CAPN2: variants seen among roughly 807,000 people sequenced by gnomAD.
CAPN2 encodes calpain-2 catalytic subunit.
In CAPN2, 92 loss-of-function variants were observed where a neutral mutation model predicts 102.3. That is an observed-to-expected ratio of 0.90 (90% CI 0.76 to 1.07). CAPN2 has a LOEUF of 1.07. Among genes scored for constraint, CAPN2 ranks in the 50% least tolerant of loss-of-function variants. CAPN2 has a pLI of 0.00. For missense variants in CAPN2, 800 were observed against 909.4 expected (o/e 0.88, Z 1.55); for synonymous variants, 340 against 355.4 (o/e 0.96, Z 0.49).
rs768469189 is a variant in CAPN2, at chr1:223,759,648, CTAGTGTTATAG to C, written c.1529+170_1529+180del. On this transcript the variant is annotated intron_variant, in intron 12 of 20. Transcript: ENST00000295006. This position sits in a 1 kb window ranked among gnomAD's most constrained non-coding sequence, Gnocchi z 4.6. ...GGGGATTTGATGGATTGAGGAAGTTCTAGTGTTATAGTAAGGTAAACAATGGAAAAAGCCAC... is the reference window on the plus strand; with the variant it reads ...GGGGATTTGATGGATTGAGGAAGTTCTAAGGTAAACAATGGAAAAAGCCAC... 2.6e-5 allele frequency among the ~76,000 whole-genome samples: 4 copies of C among 152,108 alleles called. No individual in the cohort carries two copies. The highest frequency in any genetic ancestry group is 4.4e-5 in the Non-Finnish European group (3 of 68,012).
intron 11 of CAPN2, chr1:223,757,880 G>T (rs12563695): frequency 0.13 from 19,442 of 150,588 alleles, 1,493 homozygotes; most frequent in African/African-American, 0.22. Context: ...TTGTTTGTTT[G>T]TTTTTTGTCT....
chr1:223,753,068 T>G, intron 9 of CAPN2, 112 bp downstream of exon 9: 2 of 925,442 alleles, frequency 2.2e-6, no homozygotes, highest in East Asian at 4.8e-5. Flanking sequence ...AGGAGGCAGC[T>G]CCTGCTCACT....
In CAPN2 at chr1:223,733,673, G is replaced by A. The variant is rs927871353; in HGVS notation, c.308-10427G>A. On this transcript the variant is annotated intron_variant, in intron 2 of 20. Transcript: ENST00000295006. ...CCAGGTCACGTGAGTCTTGGAAGGG[G>A]AAGGCTGCTGTGCTTAACGATTCAA... 3.3e-5 allele frequency among the ~76,000 whole-genome samples: 5 copies of A among 152,178 alleles called. No individual in the cohort carries two copies. The South Asian group carries it at 1.0e-3, about 31-fold the overall frequency.
intron 7 of CAPN2, among the ~76,000 whole-genome samples, chr1:223,751,707 A>G (rs892940595): frequency 6.6e-6 from 1 of 152,150 alleles, no homozygotes; most frequent in Non-Finnish European, 1.5e-5. Context: ...GAGCTACTCC[A>G]TCTCCCTCTA....
chr1:223,747,203 G>A (rs766566852), intron 5 of CAPN2, 38 bp downstream of exon 5: 18 of 1,557,370 alleles, frequency 1.2e-5, no homozygotes, highest in African/African-American at 6.8e-5. Flanking sequence ...CACCCCATCT[G>A]CTCTTGCTGA....
rs1023373576 is a variant in CAPN2, at chr1:223,729,029, C to G, written c.307+11198C>G. 2.0e-5 allele frequency among the ~76,000 whole-genome samples: 3 copies of G among 152,214 alleles called. No individual in the cohort carries two copies. In the East Asian group the frequency reaches 5.8e-4, roughly 29 times the overall value. On this transcript the variant is annotated intron_variant, in intron 2 of 20. Transcript: ENST00000295006. ...TGTGTCCAACCAGTCCCTCCATTCT[C>G]GGTCCTTAACTCATCACCAAGCCGC...
intron 4 of CAPN2, among the ~76,000 whole-genome samples, chr1:223,746,473 A>ATTTTTTTTTTTTTTTT (rs1420617646): frequency 9.5e-6 from 1 of 105,240 alleles, no homozygotes; most frequent in African/African-American, 7.0e-5. Context: ...TTCTACGAGA[A>ATTTTTTTTTTTTTTTT]TCTTTTTTTT....
At chr1:223,769,348 T>C (rs552623923) in intron 16 of CAPN2, among the ~76,000 whole-genome samples, 41 of 152,264 alleles carry the variant, frequency 2.7e-4, no homozygotes, top group Non-Finnish European at 4.6e-4. Context: ...GTCGAATTCC[T>C]GACCACAGGT....
chr1:223,714,676 ATT>A (rs1257398185), intron 1 of CAPN2, among the ~76,000 whole-genome samples: 1 of 151,792 alleles, frequency 6.6e-6, no homozygotes, highest in Admixed American at 6.6e-5. Context: ...TTCACTTTAC[ATT>A]TGCATGGCAC....
At chr1:223,741,461 TA>T (rs1558068037) in intron 2 of CAPN2, among the ~76,000 whole-genome samples, 10 of 146,474 alleles carry the variant, frequency 6.8e-5, no homozygotes, top group East Asian at 2.0e-4. Flanking sequence ...TATATATATA[TA>T]TATATATTTG....
At chr1:223,738,963 G>A (rs1187894939) in intron 2 of CAPN2, among the ~76,000 whole-genome samples, 1 of 152,148 alleles carries the variant, frequency 6.6e-6, no homozygotes, top group Non-Finnish European at 1.5e-5. Flanking sequence ...GCAGCCATAG[G>A]CCCTGGGCCC....
rs746085124 is a variant in CAPN2, at chr1:223,769,890, C to T, written c.1805C>T (p.Thr602Met). ...CTGAAGGAGTTCTACATTCTCTGGA[C>T]GAAGATTCAAAAATACCAAGTAAGA... is the stretch of plus-strand genomic sequence containing the variant. The part of the protein sequence containing the change: ...LGLKEFYILW[T>M]KIQKYQKIYR... The change falls in exon 17 of 21, where the codon ACG (threonine) becomes ATG (methionine). Residue 602 changes from threonine (T) to methionine (M), a missense_variant. Transcript: ENST00000295006. The T allele has an allele frequency of 1.7e-5, 27 of 1,605,154 alleles. No homozygotes were observed. In the East Asian group the frequency reaches 1.8e-4, roughly 11 times the overall value.
chr1:223,702,263 T>C (rs1210913448), intron 1 of CAPN2, among the ~76,000 whole-genome samples: 8 of 151,402 alleles, frequency 5.3e-5, no homozygotes, highest in Admixed American at 5.3e-4. Flanking sequence ...CTGTCTCTAC[T>C]AAAAATACAA....
At chr1:223,746,475 CTTTTT>C (rs60366533) in intron 4 of CAPN2, among the ~76,000 whole-genome samples, 1 of 108,494 alleles carries the variant, frequency 9.2e-6, no homozygotes, top group Admixed American at 1.0e-4. Flanking sequence ...CTACGAGAAT[CTTTTT>C]TTTTTTTTTT....
chr1:223,772,224 G>C lies in CAPN2; in HGVS notation c.2064G>C (p.Glu688Asp). 1 of 1,614,062 alleles carries C rather than the reference G, an allele frequency of 6.2e-7. No homozygotes were observed. The highest frequency in any genetic ancestry group is 8.5e-7 in the Non-Finnish European group (1 of 1,179,972). The change falls in exon 20 of 21, where the codon GAG becomes GAC. Residue 688 changes from glutamate to aspartate, a missense_variant. Physicochemically the swap from Glu to Asp is conservative, Grantham distance 45. Coordinates refer to ENST00000295006, the MANE Select transcript of CAPN2 (RefSeq NM_001748.5). ...QLDPENTGTI[E>D]LDLISWLCFS... is the part of the protein sequence containing the mutation. ...ATCCCGAGAATACTGGAACAATAGAGCTCGACCTTATCTCTGTGAGTCAGC... is the reference window on the plus strand; with the variant it reads ...ATCCCGAGAATACTGGAACAATAGACCTCGACCTTATCTCTGTGAGTCAGC...
At chr1:223,738,777 G>T (rs1012323781) in intron 2 of CAPN2, among the ~76,000 whole-genome samples, 2 of 152,254 alleles carry the variant, frequency 1.3e-5, no homozygotes, top group Non-Finnish European at 2.9e-5. Context: ...CCAGAAGAGG[G>T]TCTGGAGCTG....
intron 5 of CAPN2, 65 bp downstream of exon 5, chr1:223,747,230 T>C: frequency 1.4e-6 from 2 of 1,481,044 alleles, no homozygotes; most frequent in Non-Finnish European, 1.8e-6. Flanking sequence ...GCTCCCACAG[T>C]GCCCAAGGGA....
At chr1:223,762,534 T>G (rs964933195) in intron 14 of CAPN2, among the ~76,000 whole-genome samples, 5 of 152,128 alleles carry the variant, frequency 3.3e-5, no homozygotes, top group Non-Finnish European at 7.4e-5. Context: ...TTATTTTCTC[T>G]GTTCTACACC....
chr1:223,764,147 C>T lies in CAPN2; in HGVS notation c.1633-3C>T. 3 of 1,613,534 alleles carry T rather than the reference C, an allele frequency of 1.9e-6. No individual in the cohort carries two copies. The highest frequency in any genetic ancestry group is 8.5e-7 in the Non-Finnish European group (1 of 1,179,488). On this transcript the variant is annotated splice_region_variant and splice_polypyrimidine_tract_variant and intron_variant, in intron 14 of 20. Coordinates refer to ENST00000295006, the MANE Select transcript of CAPN2 (RefSeq NM_001748.5). ...TAACTATGCTCTGGTTATGTGTCCA[C>T]AGGATGCGGAGATCTCTGCCTTTGA... is the stretch of plus-strand genomic sequence containing the variant.
Sources: allele counts gnomAD v4.1 joint callset (sites outside exome capture counted in the v4.1 genomes callset), GRCh38; gene constraint gnomAD v4.1.1; non-coding constraint Gnocchi (gnomAD v3.1); transcripts MANE v1.5; gene names NCBI Gene and HGNC (gene_info 2026-07-23, HGNC 2026-07-21).